The following C9orf153 variants were observed in gnomAD, a reference collection of about 807,000 sequenced individuals.
C9orf153 encodes uncharacterized protein C9orf153.
C9orf153 carries 10 observed loss-of-function variants against 9.0 expected under a neutral mutation model. The ratio of observed to expected loss-of-function variants is 1.11; its 90% CI spans 0.69 to 1.89. C9orf153 has a LOEUF of 1.89. Among genes scored for constraint, C9orf153 ranks in the 40% most tolerant of loss-of-function variants. The pLI is 0.00. For missense variants in C9orf153, 108 were observed against 111.0 expected (o/e 0.97, Z 0.12); for synonymous variants, 35 against 37.3 (o/e 0.94, Z 0.23).
At chr9:86,255,122 A>G (rs1484088778) in intron 1 of C9orf153, among the ~76,000 whole-genome samples, 1 of 152,096 alleles carries the variant, frequency 6.6e-6, no homozygotes, top group Non-Finnish European at 1.5e-5. Context: ...TATGGACAAT[A>G]TATTTAAATT....
chr9:86,224,189 C>G lies in C9orf153; in HGVS notation c.243-2456G>C, dbSNP rs140991367. Among the ~76,000 whole-genome samples, 7 of 152,120 alleles carry G rather than the reference C, an allele frequency of 4.6e-5. No homozygotes were observed. In the East Asian group the frequency reaches 1.4e-3, roughly 29 times the overall value. ...ATCACTTGAGCTCAGAAGTTCAAGA[C>G]CAGCCTGGGCAATATGATGAAACCC... On this transcript the variant is annotated intron_variant, in intron 3 of 3. Transcript: ENST00000339137.
At chr9:86,237,452 G>A (rs1824623029) in intron 1 of C9orf153, among the ~76,000 whole-genome samples, 1 of 84,504 alleles carries the variant, frequency 1.2e-5, no homozygotes, top group South Asian at 4.8e-4. Context: ...GACACACACT[G>A]TTATTTACTT....
intron 1 of C9orf153, among the ~76,000 whole-genome samples, chr9:86,236,977 G>C (rs368303520): frequency 1.2e-3 from 176 of 150,096 alleles, no homozygotes; most frequent in African/African-American, 4.2e-3. Flanking sequence ...TGGCAAGAAT[G>C]TATTCAAACA....
chr9:86,248,583 T>C (rs1369768152), intron 1 of C9orf153, among the ~76,000 whole-genome samples: 1 of 152,196 alleles, frequency 6.6e-6, no homozygotes. Context: ...GTTGGGGGCC[T>C]TGCATCTAGC....
At chr9:86,259,200 A>T (rs1825191682) in intron 1 of C9orf153, among the ~76,000 whole-genome samples, 1 of 152,004 alleles carries the variant, frequency 6.6e-6, no homozygotes, top group Non-Finnish European at 1.5e-5. Context: ...GGAGAGGTGC[A>T]AAGTCAGGAC....
At chr9:86,227,484 T>C in intron 3 of C9orf153, 1 of 1,390,820 alleles carries the variant, frequency 7.2e-7, no homozygotes. Flanking sequence ...TCTGCTCTAG[T>C]AAATTTGCAA....
At chr9:86,243,543 G>A (rs751717534) in intron 1 of C9orf153, among the ~76,000 whole-genome samples, 15 of 147,636 alleles carry the variant, frequency 1.0e-4, no homozygotes, top group Non-Finnish European at 1.8e-4. Flanking sequence ...TCGGCTCACC[G>A]CAACCTCTGC....
At chr9:86,230,549 C>G (rs1189205917) in intron 1 of C9orf153, among the ~76,000 whole-genome samples, 1 of 152,228 alleles carries the variant, frequency 6.6e-6, no homozygotes, top group Non-Finnish European at 1.5e-5. Flanking sequence ...GATCCACCCA[C>G]CTCGGCCTCC....
At position 86,259,579 on chromosome 9, in the gene C9orf153, G is replaced by C. The variant is rs1425837443; in HGVS notation, c.-56C>G. On this transcript the variant is annotated 5_prime_UTR_variant, in exon 1 of 4. Transcript: ENST00000339137. Reference sequence around the variant, plus strand: ...TGTTTTACAGTTGTCTCTTCACGTGGTCATATCTGTCTTGAGTCTCTGCAC... The same window carrying C: ...TGTTTTACAGTTGTCTCTTCACGTGCTCATATCTGTCTTGAGTCTCTGCAC... 2 of 152,114 alleles carry C rather than the reference G, an allele frequency of 1.3e-5. No individual in the cohort carries two copies. The highest frequency in any genetic ancestry group is 2.9e-5 in the Non-Finnish European group (2 of 68,076). 9.4% of individuals were successfully genotyped at this position (152,114 alleles called of 1,614,324 possible). A position where few individuals can be genotyped will look rare whatever the true frequency, so the allele number is the denominator to read the frequency against.
intron 1 of C9orf153, among the ~76,000 whole-genome samples, chr9:86,231,709 A>G (rs1824475003): frequency 6.6e-6 from 1 of 150,510 alleles, no homozygotes; most frequent in African/African-American, 2.5e-5. Flanking sequence ...ATTGATATAC[A>G]GGACTAGAAA....
intron 1 of C9orf153, among the ~76,000 whole-genome samples, chr9:86,242,648 A>T (rs1318920739): frequency 6.6e-6 from 1 of 152,172 alleles, no homozygotes; most frequent in Non-Finnish European, 1.5e-5. Flanking sequence ...ATTTATGCAT[A>T]GTTGTGAATT....
chr9:86,248,981 T>A (rs887414238), intron 1 of C9orf153, among the ~76,000 whole-genome samples: 2 of 152,242 alleles, frequency 1.3e-5, no homozygotes, highest in Non-Finnish European at 2.9e-5. Context: ...CCTGCCAGCT[T>A]CCAAAATGTT....
chr9:86,244,021 G>T (rs987381370), intron 1 of C9orf153, among the ~76,000 whole-genome samples: 2 of 152,142 alleles, frequency 1.3e-5, no homozygotes, highest in African/African-American at 2.4e-5. Flanking sequence ...TTCTAGATCT[G>T]TACCATCCAA....
intron 1 of C9orf153, among the ~76,000 whole-genome samples, chr9:86,236,171 G>T (rs1824581785): frequency 6.6e-6 from 1 of 152,092 alleles, no homozygotes; most frequent in African/African-American, 2.4e-5. Context: ...AAGAAGCAGA[G>T]AATGGAATGA....
intron 2 of C9orf153, among the ~76,000 whole-genome samples, chr9:86,229,304 T>C (rs1401724988): frequency 6.6e-6 from 1 of 151,296 alleles, no homozygotes; most frequent in African/African-American, 2.4e-5. Flanking sequence ...TGAATGGCTC[T>C]TTATAACGAA....
At chr9:86,237,952 G>A (rs1824637656) in intron 1 of C9orf153, among the ~76,000 whole-genome samples, 1 of 152,114 alleles carries the variant, frequency 6.6e-6, no homozygotes, top group South Asian at 2.1e-4. Context: ...GTGGTGGCAG[G>A]CACCTGTAGT....
chr9:86,232,393 A>G (rs991192687), intron 1 of C9orf153, among the ~76,000 whole-genome samples: 7 of 152,160 alleles, frequency 4.6e-5, no homozygotes, highest in African/African-American at 1.7e-4. Flanking sequence ...CTTTGACCCA[A>G]TCTCTCATGG....
chr9:86,245,421 T>C (rs12342629), intron 1 of C9orf153, among the ~76,000 whole-genome samples: 11,064 of 152,188 alleles, frequency 0.073, 1,370 homozygotes, highest in African/African-American at 0.25. Flanking sequence ...TTCTCCCTTC[T>C]CCCGAACCCT....
At chr9:86,236,548 C>CAAAAAAAAAAAAAAA (rs976982879) in intron 1 of C9orf153, among the ~76,000 whole-genome samples, 1 of 65,332 alleles carries the variant, frequency 1.5e-5, no homozygotes, top group Non-Finnish European at 3.3e-5. Flanking sequence ...GACTCCATCT[C>CAAAAAAAAAAAAAAA]AAAAAAAAAA....
Sources: allele counts gnomAD v4.1 joint callset (sites outside exome capture counted in the v4.1 genomes callset), GRCh38; gene constraint gnomAD v4.1.1; transcripts MANE v1.5; gene names NCBI Gene and HGNC (gene_info 2026-07-23, HGNC 2026-07-21).